Variants in SORCS1 observed in about 807,000 individuals in gnomAD.
SORCS1 encodes sortilin related VPS10 domain containing receptor 1.
SORCS1 carries 60 observed loss-of-function variants against 146.1 expected under a neutral mutation model. The observed-to-expected ratio is 0.41, with a 90% CI of 0.33 to 0.51. SORCS1 has a LOEUF of 0.51. SORCS1 is among the 20% of genes least tolerant of loss of function. SORCS1 has a pLI of 0.21. For missense variants in SORCS1, 1,352 were observed against 1,487.6 expected (o/e 0.91, Z 1.50); for synonymous variants, 637 against 584.0 (o/e 1.09, Z -1.31).
chr10:107,080,722 A>C (rs994550720), intron 1 of SORCS1, among the ~76,000 whole-genome samples: 3 of 152,214 alleles, frequency 2.0e-5, no homozygotes, highest in Non-Finnish European at 4.4e-5. Context: ...AATTTTTAAC[A>C]AGTTCTGCTC....
chr10:107,073,921 A>G (rs962349583), intron 1 of SORCS1, among the ~76,000 whole-genome samples: 3 of 152,090 alleles, frequency 2.0e-5, no homozygotes, highest in Admixed American at 6.6e-5. Flanking sequence ...TTTAGGTGGA[A>G]TGGAAGGTAC....
At chr10:106,578,983 G>A (rs1451380666) in intron 25 of SORCS1, 1 of 1,470,758 alleles carries the variant, frequency 6.8e-7, no homozygotes, top group Admixed American at 2.6e-5. Flanking sequence ...TTCTCTCAGG[G>A]GTGTTAGAGC....
chr10:106,822,979 C>T (rs1948128408), intron 3 of SORCS1, among the ~76,000 whole-genome samples: 1 of 151,788 alleles, frequency 6.6e-6, no homozygotes, highest in African/African-American at 2.4e-5. Context: ...GACAGGGTTT[C>T]AGCATATTGG....
chr10:106,874,946 GTTTTT>G (rs1486559027), intron 2 of SORCS1, among the ~76,000 whole-genome samples: 1 of 152,086 alleles, frequency 6.6e-6, no homozygotes, highest in Non-Finnish European at 1.5e-5. Context: ...GTTTTGCTTT[GTTTTT>G]ATTTTTTAAT....
At chr10:106,864,845 A>G (rs2137491481) in intron 2 of SORCS1, among the ~76,000 whole-genome samples, 1 of 152,326 alleles carries the variant, frequency 6.6e-6, no homozygotes, top group Admixed American at 6.5e-5. Context: ...CCAGAACAGC[A>G]CAACTGCTCT....
At chr10:106,948,645 C>T (rs1220096130) in intron 2 of SORCS1, among the ~76,000 whole-genome samples, 5 of 150,950 alleles carry the variant, frequency 3.3e-5, no homozygotes. Flanking sequence ...GAGCAAGACC[C>T]TGTTTCTTAA....
intron 18 of SORCS1, among the ~76,000 whole-genome samples, chr10:106,638,944 ATTCTAT>A (rs1304696984): frequency 6.6e-6 from 1 of 152,182 alleles, no homozygotes; most frequent in Non-Finnish European, 1.5e-5. Flanking sequence ...GATTTTTACA[ATTCTAT>A]TATTCTTGTT....
At chr10:106,814,169 C>A (rs1207264529) in intron 3 of SORCS1, among the ~76,000 whole-genome samples, 1 of 152,176 alleles carries the variant, frequency 6.6e-6, no homozygotes, top group Non-Finnish European at 1.5e-5. Flanking sequence ...TCAAGCTTAT[C>A]CTGTAAATCT....
chr10:107,064,484 C>T (rs1014293676), intron 1 of SORCS1, among the ~76,000 whole-genome samples: 1 of 152,324 alleles, frequency 6.6e-6, no homozygotes, highest in South Asian at 2.1e-4. Flanking sequence ...AGGTGATAAC[C>T]AGTAAAGTGA....
At chr10:106,875,054 C>T (rs1950546403) in intron 2 of SORCS1, among the ~76,000 whole-genome samples, 1 of 151,862 alleles carries the variant, frequency 6.6e-6, no homozygotes, top group Admixed American at 6.6e-5. Context: ...TTTAGTGCAC[C>T]CATCACCTGG....
At chr10:106,668,987 A>T (rs1407679269) in intron 16 of SORCS1, among the ~76,000 whole-genome samples, 1 of 152,146 alleles carries the variant, frequency 6.6e-6, no homozygotes, top group Non-Finnish European at 1.5e-5. Flanking sequence ...GAGCCTTCCC[A>T]AATATTTTCA....
chr10:107,073,009 C>G (rs914738877), intron 1 of SORCS1, among the ~76,000 whole-genome samples: 1 of 152,166 alleles, frequency 6.6e-6, no homozygotes, highest in Non-Finnish European at 1.5e-5. Context: ...AGGAAAGCAC[C>G]AGGACACTGT....
intron 1 of SORCS1, among the ~76,000 whole-genome samples, chr10:106,968,983 G>A (rs1452079495): frequency 1.3e-5 from 2 of 152,200 alleles, no homozygotes; most frequent in Non-Finnish European, 1.5e-5. Flanking sequence ...TGCCTTGTCT[G>A]AGTGCTAAGG....
chr10:107,093,533 T>C (rs1964347083), intron 1 of SORCS1, among the ~76,000 whole-genome samples: 1 of 151,764 alleles, frequency 6.6e-6, no homozygotes. Context: ...ATTAGTTGGG[T>C]ATGGTGGTGT....
chr10:106,904,208 A>G (rs148387697), intron 2 of SORCS1, among the ~76,000 whole-genome samples: 1 of 152,346 alleles, frequency 6.6e-6, no homozygotes, highest in East Asian at 1.9e-4. Flanking sequence ...ATAGGTGGTC[A>G]TGGAATTTGC....
intron 1 of SORCS1, among the ~76,000 whole-genome samples, chr10:107,138,804 C>T (rs1967556834): frequency 6.6e-6 from 1 of 152,194 alleles, no homozygotes. Flanking sequence ...TAAGTGAAGC[C>T]TCAGTGCCTC....
intron 2 of SORCS1, among the ~76,000 whole-genome samples, chr10:106,844,907 G>T (rs1231424183): frequency 6.7e-6 from 1 of 150,136 alleles, no homozygotes; most frequent in African/African-American, 2.5e-5. Flanking sequence ...CAAAGGACAT[G>T]AACTCATCAT....
intron 18 of SORCS1, among the ~76,000 whole-genome samples, chr10:106,637,367 AG>A (rs902162192): frequency 7.6e-4 from 115 of 152,314 alleles, no homozygotes; most frequent in African/African-American, 2.6e-3. Flanking sequence ...CATGCTGTAT[AG>A]GTGTTTCTTC....
intron 1 of SORCS1, among the ~76,000 whole-genome samples, chr10:107,148,399 G>C (rs563732809): frequency 2.0e-5 from 3 of 152,270 alleles, no homozygotes; most frequent in East Asian, 1.9e-4. Context: ...GTGTGGCCAT[G>C]TTCCAGTAAG....
Sources: allele counts gnomAD v4.1 joint callset (sites outside exome capture counted in the v4.1 genomes callset), GRCh38; gene constraint gnomAD v4.1.1; transcripts MANE v1.5; gene names NCBI Gene and HGNC (gene_info 2026-07-23, HGNC 2026-07-21).